ADCY2: variants seen among roughly 807,000 people sequenced by gnomAD.
ADCY2 encodes adenylate cyclase type 2.
A neutral mutation model predicts 125.2 loss-of-function variants in ADCY2; 31 were observed. The observed-to-expected ratio is 0.25, with a 90% CI of 0.19 to 0.33. The LOEUF is 0.33. ADCY2 is among the 10% of genes least tolerant of loss of function. ADCY2 has a pLI of 1.00. For missense variants in ADCY2, 904 were observed against 1,418.2 expected (o/e 0.64, Z 5.82); for synonymous variants, 512 against 548.4 (o/e 0.93, Z 0.93).
intron 2 of ADCY2, among the ~76,000 whole-genome samples, chr5:7,490,719 A>G (rs543375791): frequency 7.2e-5 from 11 of 152,234 alleles, no homozygotes; most frequent in African/African-American, 2.6e-4. Flanking sequence ...TGGGGATGGT[A>G]TTGCCTGACA....
chr5:7,692,721 C>T (rs1169252237), intron 5 of ADCY2, among the ~76,000 whole-genome samples: 1 of 152,274 alleles, frequency 6.6e-6, no homozygotes, highest in East Asian at 1.9e-4. Context: ...AAAGAATTTT[C>T]CCATCCCTTT....
rs544515604 is a variant in ADCY2, at chr5:7,534,773, G to A, written c.570+13874G>A. ...AGAAGCAGAGCTAAGGCAGTGTGGCGGTGTCAGTGTCCCTGGACTTAAGTG... is the reference window on the plus strand; with the variant it reads ...AGAAGCAGAGCTAAGGCAGTGTGGCAGTGTCAGTGTCCCTGGACTTAAGTG... On this transcript the variant is annotated intron_variant, in intron 3 of 24. Transcript: ENST00000338316. Among the ~76,000 whole-genome samples, 10 of 152,286 alleles carry A rather than the reference G, an allele frequency of 6.6e-5. No individual in the cohort carries two copies. In the South Asian group the frequency reaches 8.3e-4, roughly 13 times the overall value.
Position 7,772,950 on chromosome 5 carries a change from A to G in ADCY2, c.2233A>G (p.Ile745Val). Reference protein sequence around the residue: ...FFLPYFIYSCILGLISCSVFL... With the variant: ...FFLPYFIYSCVLGLISCSVFL... ...GTTTCAGTACTTTATCTACAGCTGC[A>G]TTCTGGGACTGATATCCTGTTCCGT... The change falls in exon 18 of 25, where the codon ATT (isoleucine) becomes GTT (valine). Residue 745 changes from isoleucine (I) to valine (V), a missense_variant. This residue lies in a region of ADCY2 where 221 missense variants were observed against 246.2 expected (regional missense o/e 0.90). Transcript: ENST00000338316. 6.2e-7 allele frequency: 1 copy of G among 1,614,112 alleles called. No homozygotes were observed. Among genetic ancestry groups the G allele is most frequent in the Non-Finnish European group, 8.5e-7 (1 of 1,180,018 alleles).
At chr5:7,463,359 T>C (rs996817722) in intron 2 of ADCY2, among the ~76,000 whole-genome samples, 1 of 152,206 alleles carries the variant, frequency 6.6e-6, no homozygotes, top group Non-Finnish European at 1.5e-5. Flanking sequence ...CCATGGTGCA[T>C]ATGGTGTAGT....
chr5:7,797,515 T>G (rs1283942716), intron 20 of ADCY2: 2 of 152,310 alleles, frequency 1.3e-5, no homozygotes, highest in Non-Finnish European at 2.9e-5. Flanking sequence ...TCATGCTCCC[T>G]AAGGGCAGGG....
intron 3 of ADCY2, among the ~76,000 whole-genome samples, chr5:7,600,481 G>A (rs752622660): frequency 6.6e-5 from 10 of 152,206 alleles, no homozygotes; most frequent in Non-Finnish European, 1.3e-4. Flanking sequence ...AGGCACAAAG[G>A]CAAGGGCTGA....
chr5:7,495,065 A>G (rs968211845), intron 2 of ADCY2, among the ~76,000 whole-genome samples: 10 of 152,118 alleles, frequency 6.6e-5, no homozygotes, highest in Non-Finnish European at 1.2e-4. Context: ...CAAATTTTCC[A>G]TGTCTCAAAG....
At chr5:7,820,867 AACAACAACAACAAAATTCTAACAATAT>A (rs1207473047) in intron 24 of ADCY2, among the ~76,000 whole-genome samples, 178 bp downstream of exon 24, 2 of 152,226 alleles carry the variant, frequency 1.3e-5, no homozygotes, top group Non-Finnish European at 2.9e-5. Context: ...ATTGACTGTT[AACAACAACAACAAAATTCTAACAATAT>A]AAAGGCTATT....
chr5:7,455,316 G>A (rs959092201), intron 2 of ADCY2, among the ~76,000 whole-genome samples: 1 of 152,122 alleles, frequency 6.6e-6, no homozygotes, highest in African/African-American at 2.4e-5. Flanking sequence ...TTAGATTTAG[G>A]TTTAAAAGTC....
At chr5:7,782,460 CTG>C (rs1346660837) in intron 18 of ADCY2, among the ~76,000 whole-genome samples, 1 of 152,216 alleles carries the variant, frequency 6.6e-6, no homozygotes, top group African/African-American at 2.4e-5. Flanking sequence ...TAAGCTGGCT[CTG>C]TATGTTTGGG....
intron 8 of ADCY2, 62 bp from the exon 9 acceptor site, chr5:7,707,644 A>G: frequency 6.3e-7 from 1 of 1,576,848 alleles, no homozygotes; most frequent in Non-Finnish European, 8.6e-7. Flanking sequence ...ATGAGCAAAT[A>G]GAAACCTTTC....
Position 7,826,826 on chromosome 5 carries a change from C to T in ADCY2, c.3231C>T (p.Asn1077=). Residue 1077 remains asparagine (N), a synonymous_variant, in exon 25 of 25, where the codon AAC becomes AAT. Transcript: ENST00000338316. ...GGGACCTGAAGACGTACTTTGTAAA[C>T]ACAGAAATGTCAAGGTCCCTTTCCC... ...GKGDLKTYFV[N]TEMSRSLSQS... is the part of the protein sequence containing the mutation. 1 of 1,613,926 alleles carries T rather than the reference C, an allele frequency of 6.2e-7. No individual in the cohort carries two copies. Among genetic ancestry groups the T allele is most frequent in the Non-Finnish European group, 8.5e-7 (1 of 1,179,962 alleles).
chr5:7,526,476 T>A (rs991951746), intron 3 of ADCY2, among the ~76,000 whole-genome samples: 1 of 152,184 alleles, frequency 6.6e-6, no homozygotes, highest in African/African-American at 2.4e-5. Context: ...AATTGTAATG[T>A]TCCCAACACA....
intron 3 of ADCY2, among the ~76,000 whole-genome samples, chr5:7,585,932 G>A (rs1170512000): frequency 6.6e-6 from 1 of 152,216 alleles, no homozygotes. Context: ...GAAACACCAT[G>A]CTGTACTCCT....
At chr5:7,469,182 A>G (rs1168550332) in intron 2 of ADCY2, among the ~76,000 whole-genome samples, 1 of 152,036 alleles carries the variant, frequency 6.6e-6, no homozygotes, top group Non-Finnish European at 1.5e-5. Flanking sequence ...ACCAACATTA[A>G]AAAAATAAAA....
intron 3 of ADCY2, among the ~76,000 whole-genome samples, chr5:7,619,845 A>G (rs771311710): frequency 1.2e-4 from 18 of 152,210 alleles, no homozygotes; most frequent in Non-Finnish European, 2.4e-4. Flanking sequence ...GTTCTAAACT[A>G]TAATCAAGTG....
chr5:7,693,413 G>GTTTTGTTTTT lies in ADCY2; in HGVS notation c.870-2335_870-2334insGTTTTTTTTT, dbSNP rs1740779550. 8.6e-3 allele frequency among the ~76,000 whole-genome samples: 277 copies of GTTTTGTTTTT among 32,322 alleles called. 7 individuals carry two copies. Among genetic ancestry groups the GTTTTGTTTTT allele is most frequent in the African/African-American group, 0.017 (258 of 14,802 alleles). The allele number at this position is 32,322 out of a possible 152,430, so 21.2% of individuals were successfully genotyped here. A position where few individuals can be genotyped will look rare whatever the true frequency, so the allele number is the denominator to read the frequency against. On this transcript the variant is annotated intron_variant, in intron 5 of 24. Coordinates refer to ENST00000338316, the MANE Select transcript of ADCY2 (RefSeq NM_020546.3). ...GCATCACAATTGCCTGCTGTTTTTT[G>GTTTTGTTTTT]TTTTTTTTTTTTTTTTTTTTTTTGA...
At chr5:7,496,420 A>G (rs1267158240) in intron 2 of ADCY2, among the ~76,000 whole-genome samples, 1 of 152,178 alleles carries the variant, frequency 6.6e-6, no homozygotes, top group East Asian at 1.9e-4. Flanking sequence ...GAACAAGGAG[A>G]AAAATGAAAG....
At chr5:7,480,042 A>G (rs1215489594) in intron 2 of ADCY2, among the ~76,000 whole-genome samples, 1 of 152,184 alleles carries the variant, frequency 6.6e-6, no homozygotes, top group Non-Finnish European at 1.5e-5. Context: ...TTAGAGAAAT[A>G]CAAATCAAAA....
Sources: gnomAD v4.1 joint callset for allele counts (sites outside exome capture counted in the v4.1 genomes callset) on GRCh38, gnomAD v4.1.1 for gene constraint, gnomAD v4.1.1 regional missense constraint, MANE v1.5 for transcripts, NCBI Gene and HGNC (gene_info 2026-07-23, HGNC 2026-07-21) for gene names.